The following CDK14 variants were observed in gnomAD, a reference collection of about 807,000 sequenced individuals.
CDK14 encodes the protein cyclin-dependent kinase 14.
A neutral mutation model predicts 60.7 loss-of-function variants in CDK14; 34 were observed. That is an observed-to-expected ratio of 0.56 (90% CI 0.43 to 0.75). CDK14 has a LOEUF of 0.75. CDK14 is among the 30% of genes least tolerant of loss of function. The pLI is 0.00. For missense variants in CDK14, 482 were observed against 564.1 expected, an observed-to-expected ratio of 0.85 and a Z score of 1.47; for synonymous variants, 197 against 203.7, an observed-to-expected ratio of 0.97 and a Z score of 0.28.
intron 3 of CDK14, among the ~76,000 whole-genome samples, chr7:90,738,576 A>ATG (rs1803220677): frequency 6.6e-6 from 1 of 152,212 alleles, no homozygotes; most frequent in South Asian, 2.1e-4. Context: ...ACATCATCTC[A>ATG]TTAAATTTCA....
chr7:91,092,606 G>T (rs899461022), intron 12 of CDK14, among the ~76,000 whole-genome samples: 2 of 152,184 alleles, frequency 1.3e-5, no homozygotes, highest in Non-Finnish European at 2.9e-5. Context: ...CTACAATGTA[G>T]CAACTGTTTC....
In CDK14 at chr7:90,990,702, A is replaced by G. The variant is rs529934485; in HGVS notation, c.1041+6461A>G. Reference sequence around the variant, plus strand: ...GTGTTTAGCTTCTCTTTAACAGGAAATAGAGAGCCATTTCCAAGCCATTAA... The same window carrying G: ...GTGTTTAGCTTCTCTTTAACAGGAAGTAGAGAGCCATTTCCAAGCCATTAA... On this transcript the variant is annotated intron_variant, in intron 10 of 14. Coordinates refer to ENST00000380050, the MANE Select transcript of CDK14 (RefSeq NM_001287135.2). Among the ~76,000 whole-genome samples the G allele has an allele frequency of 2.6e-5, 4 of 152,044 alleles. No homozygotes were observed. The South Asian group carries it at 8.3e-4, about 32-fold the overall frequency.
intron 12 of CDK14, chr7:91,107,696 G>T (rs977001900): frequency 6.6e-6 from 1 of 152,228 alleles, no homozygotes; most frequent in African/African-American, 2.4e-5. Context: ...AAATGGAAAT[G>T]TTAGAAGCAA....
intron 6 of CDK14, among the ~76,000 whole-genome samples, chr7:90,897,712 A>C (rs1261387517): frequency 6.6e-6 from 1 of 152,058 alleles, no homozygotes; most frequent in African/African-American, 2.4e-5. Flanking sequence ...ATTTCACTAA[A>C]TGCATGAAAT....
chr7:91,098,128 G>A (rs748307961), intron 12 of CDK14, among the ~76,000 whole-genome samples: 14 of 152,140 alleles, frequency 9.2e-5, no homozygotes, highest in African/African-American at 2.4e-4. Context: ...GACATAAGCC[G>A]TTTATCTTTC....
At chr7:91,031,200 C>T (rs959467827) in intron 10 of CDK14, among the ~76,000 whole-genome samples, 2 of 152,096 alleles carry the variant, frequency 1.3e-5, no homozygotes. Context: ...TTTGTTTTTG[C>T]ACTGTGGAAT....
chr7:90,772,308 C>G (rs1304159298), intron 4 of CDK14, among the ~76,000 whole-genome samples: 1 of 152,182 alleles, frequency 6.6e-6, no homozygotes, highest in Non-Finnish European at 1.5e-5. Context: ...AATCAAAATG[C>G]AGGAGCCATG....
intron 9 of CDK14, among the ~76,000 whole-genome samples, chr7:90,971,514 A>G (rs1794931479): frequency 6.6e-6 from 1 of 152,158 alleles, no homozygotes; most frequent in African/African-American, 2.4e-5. Flanking sequence ...GGTGTTTTGT[A>G]GATAGAGATG....
At position 91,210,054 on chromosome 7, in the gene CDK14, T is replaced by G. The variant is rs1182246385; in HGVS notation, c.*2918T>G. 1 of 152,682 alleles carries G rather than the reference T, an allele frequency of 6.5e-6. No homozygotes were observed. The highest frequency in any genetic ancestry group is 1.5e-5 in the Non-Finnish European group (1 of 68,046). 9.5% of individuals were successfully genotyped at this position (152,682 alleles called of 1,614,324 possible). On this transcript the variant is annotated 3_prime_UTR_variant, in exon 15 of 15. Coordinates refer to ENST00000380050, the MANE Select transcript of CDK14 (RefSeq NM_001287135.2). Reference sequence around the variant, plus strand: ...TAATCTTTGTTATATAAGAGGATGTTTAGGCTGTATATACTGGGGTAGATT... The same window carrying G: ...TAATCTTTGTTATATAAGAGGATGTGTAGGCTGTATATACTGGGGTAGATT...
chr7:91,018,819 G>A (rs566713870), intron 10 of CDK14, among the ~76,000 whole-genome samples: 41 of 152,292 alleles, frequency 2.7e-4, no homozygotes, highest in African/African-American at 9.9e-4. Context: ...CCCCAGCCAT[G>A]TTTCCTGTAC....
chr7:90,884,733 A>G (rs1274293378), intron 6 of CDK14, among the ~76,000 whole-genome samples: 1 of 152,214 alleles, frequency 6.6e-6, no homozygotes, highest in Non-Finnish European at 1.5e-5. Context: ...GTACCAAAAC[A>G]GACATATAGA....
At chr7:90,838,492 G>C (rs1375038754) in intron 5 of CDK14, among the ~76,000 whole-genome samples, 2 of 152,164 alleles carry the variant, frequency 1.3e-5, no homozygotes, top group African/African-American at 4.8e-5. Context: ...AGGCAGAATA[G>C]AGCCATATTT....
chr7:90,744,124 A>G (rs1803469169), intron 3 of CDK14, among the ~76,000 whole-genome samples: 1 of 152,204 alleles, frequency 6.6e-6, no homozygotes, highest in Non-Finnish European at 1.5e-5. Flanking sequence ...AAGTGAACAA[A>G]GGTCTCTGGT....
rs550961995 is a variant in CDK14, at chr7:91,003,545, C to T, written c.1041+19304C>T. 5.9e-5 allele frequency among the ~76,000 whole-genome samples: 9 copies of T among 152,320 alleles called. No individual in the cohort carries two copies. The South Asian group carries it at 1.9e-3, about 32-fold the overall frequency. On this transcript the variant is annotated intron_variant, in intron 10 of 14. Transcript: ENST00000380050. Reference sequence around the variant, plus strand: ...ATGGGCTGTGCTGCATGAAGTCCTTCAGGTTCCTGGGTTTCTTTTATCTGG... The same window carrying T: ...ATGGGCTGTGCTGCATGAAGTCCTTTAGGTTCCTGGGTTTCTTTTATCTGG...
intron 10 of CDK14, among the ~76,000 whole-genome samples, chr7:91,035,763 AT>A (rs1796910004): frequency 6.6e-6 from 1 of 150,866 alleles, no homozygotes; most frequent in Admixed American, 6.6e-5. Context: ...ACTAAGGCAC[AT>A]TTATCATCTC....
chr7:90,967,075 T>C (rs1039061023), intron 9 of CDK14, among the ~76,000 whole-genome samples: 1 of 148,950 alleles, frequency 6.7e-6, no homozygotes, highest in Admixed American at 6.7e-5. Flanking sequence ...AACGTCTTGA[T>C]ATTATGTAAG....
At chr7:90,802,274 G>T (rs1788668699) in intron 5 of CDK14, among the ~76,000 whole-genome samples, 2 of 152,056 alleles carry the variant, frequency 1.3e-5, no homozygotes, top group Non-Finnish European at 2.9e-5. Flanking sequence ...TTTCTTCAAG[G>T]GTCTTAATAA....
At chr7:90,657,695 C>G (rs975309537) in intron 2 of CDK14, among the ~76,000 whole-genome samples, 1 of 152,182 alleles carries the variant, frequency 6.6e-6, no homozygotes, top group South Asian at 2.1e-4. Context: ...CAGCACAGCT[C>G]AAGTGAGTCA....
chr7:90,968,116 T>G (rs955286326), intron 9 of CDK14, among the ~76,000 whole-genome samples: 2 of 152,240 alleles, frequency 1.3e-5, no homozygotes, highest in African/African-American at 4.8e-5. Context: ...GGTATTTTGC[T>G]GTATGAATTA....
Sources: gnomAD v4.1 joint callset for allele counts (sites outside exome capture counted in the v4.1 genomes callset) on GRCh38, gnomAD v4.1.1 for gene constraint, MANE v1.5 for transcripts, NCBI Gene and HGNC (gene_info 2026-07-23, HGNC 2026-07-21) for gene names.